The following KCNU1 variants were observed in gnomAD, a reference collection of about 807,000 sequenced individuals.
KCNU1 encodes the protein potassium channel subfamily U member 1.
In KCNU1, 93 loss-of-function variants were observed where a neutral mutation model predicts 126.8. That is an observed-to-expected ratio of 0.73 (90% CI 0.62 to 0.87). The LOEUF (loss-of-function observed/expected upper bound fraction) is 0.87, where lower values mean the gene tolerates loss of function less well. Ranked by LOEUF, KCNU1 falls within the 40% of genes least tolerant of loss-of-function variation. The pLI is 0.00. For missense variants in KCNU1, 1,330 were observed against 1,367.1 expected, an observed-to-expected ratio of 0.97 and a Z score of 0.43; for synonymous variants, 523 against 494.2, an observed-to-expected ratio of 1.06 and a Z score of -0.77.
At chr8:36,818,865 G>A (rs954003496) in intron 10 of KCNU1, among the ~76,000 whole-genome samples, 35 of 152,140 alleles carry the variant, frequency 2.3e-4, no homozygotes, top group African/African-American at 4.6e-4. Context: ...CAAGAATTCC[G>A]TTTAAGTAGC....
intron 23 of KCNU1, among the ~76,000 whole-genome samples, chr8:36,921,801 T>C (rs1297504377): frequency 6.6e-6 from 1 of 151,850 alleles, no homozygotes; most frequent in Non-Finnish European, 1.5e-5. Flanking sequence ...AGTATAGACA[T>C]GCTGATGGAT....
intron 10 of KCNU1, among the ~76,000 whole-genome samples, chr8:36,820,003 T>C (rs547643725): frequency 6.6e-6 from 1 of 152,222 alleles, no homozygotes; most frequent in East Asian, 1.9e-4. Context: ...TGAGTCATCA[T>C]GTAAAAAGCC....
At chr8:36,865,322 A>G (rs749493914) in intron 19 of KCNU1, among the ~76,000 whole-genome samples, 35 of 152,128 alleles carry the variant, frequency 2.3e-4, no homozygotes, top group Non-Finnish European at 3.8e-4. Context: ...TAAGAATAAA[A>G]CTACTATATG....
intron 19 of KCNU1, among the ~76,000 whole-genome samples, chr8:36,901,882 G>C (rs1055027099): frequency 6.6e-6 from 1 of 152,108 alleles, no homozygotes; most frequent in Non-Finnish European, 1.5e-5. Context: ...GCTTTGACAG[G>C]TCTTTTTTGA....
At chr8:36,860,607 A>C (rs1805693924) in intron 18 of KCNU1, among the ~76,000 whole-genome samples, 1 of 152,194 alleles carries the variant, frequency 6.6e-6, no homozygotes, top group Non-Finnish European at 1.5e-5. Context: ...GGAGGGGTGC[A>C]TAAGAATCTT....
chr8:36,797,109 A>G (rs1803128452), intron 2 of KCNU1, among the ~76,000 whole-genome samples: 1 of 152,004 alleles, frequency 6.6e-6, no homozygotes, highest in African/African-American at 2.4e-5. Flanking sequence ...CGGTTCAAAC[A>G]CTCGCGCCTC....
At chr8:36,836,098 G>T (rs901513122) in intron 12 of KCNU1, among the ~76,000 whole-genome samples, 198 bp from the exon 13 acceptor site, 1 of 152,238 alleles carries the variant, frequency 6.6e-6, no homozygotes. Flanking sequence ...AGATTTGGTT[G>T]GCAAAGTCAT....
chr8:36,799,064 A>G (rs943709919), intron 2 of KCNU1, among the ~76,000 whole-genome samples: 1 of 152,194 alleles, frequency 6.6e-6, no homozygotes, highest in Non-Finnish European at 1.5e-5. Flanking sequence ...GGGGTGCAGA[A>G]GCTCACAGTT....
chr8:36,922,444 C>A, intron 23 of KCNU1, 46 bp from the exon 24 acceptor site: 1 of 1,587,740 alleles, frequency 6.3e-7, no homozygotes, highest in South Asian at 1.2e-5. Flanking sequence ...TTCTTATATT[C>A]TTAACCTGAT....
chr8:36,924,880 C>T (rs1808482236), intron 24 of KCNU1, among the ~76,000 whole-genome samples: 1 of 152,178 alleles, frequency 6.6e-6, no homozygotes, highest in Non-Finnish European at 1.5e-5. Context: ...ACACCACTGG[C>T]TCACACAGGC....
At position 36,933,573 on chromosome 8, in the gene KCNU1, A is replaced by G. The variant is rs569730758; in HGVS notation, c.3044+541A>G. Among the ~76,000 whole-genome samples, 9 of 152,254 alleles carry G rather than the reference A, an allele frequency of 5.9e-5. 1 individual carries two copies. The highest frequency in any genetic ancestry group is 2.2e-4 in the African/African-American group (9 of 41,572). On this transcript the variant is annotated intron_variant, in intron 26 of 26. Coordinates refer to ENST00000399881, the MANE Select transcript of KCNU1 (RefSeq NM_001031836.3). ...GAGGGGAAAGGGAAAGAGAGGTTAC[A>G]GTCTAGAGACAACACAATTGTGTAT...
Position 36,793,868 on chromosome 8 carries a change from A to G in KCNU1, c.315+6443A>G, listed in dbSNP as rs1038398905. 5.3e-5 allele frequency among the ~76,000 whole-genome samples: 8 copies of G among 152,122 alleles called. No homozygotes were observed. The South Asian group carries it at 1.5e-3, about 28-fold the overall frequency. ...CAGGAGTTTGAGACAAGCCTGACCA[A>G]CATGGTGAAACCCCGTCTCTACTAA... On this transcript the variant is annotated intron_variant, in intron 2 of 26. Transcript: ENST00000399881.
chr8:36,870,640 G>T (rs1198670441), intron 19 of KCNU1, among the ~76,000 whole-genome samples: 1 of 152,172 alleles, frequency 6.6e-6, no homozygotes, highest in Non-Finnish European at 1.5e-5. Context: ...AAACTGATCA[G>T]ATGAGATTAT....
At chr8:36,917,346 A>G (rs1013185934) in intron 22 of KCNU1, among the ~76,000 whole-genome samples, 1 of 139,904 alleles carries the variant, frequency 7.1e-6, no homozygotes, top group African/African-American at 2.7e-5. Flanking sequence ...CATTTTCCCC[A>G]CCAACTTCTT....
At chr8:36,809,371 C>T (rs565316501) in intron 7 of KCNU1, among the ~76,000 whole-genome samples, 1 of 152,100 alleles carries the variant, frequency 6.6e-6, no homozygotes, top group South Asian at 2.1e-4. Context: ...GAAGAGCAGT[C>T]ATTAGCAAAT....
intron 7 of KCNU1, 114 bp downstream of exon 7, chr8:36,808,907 G>A (rs926787127): frequency 1.4e-6 from 1 of 689,794 alleles, no homozygotes; most frequent in Non-Finnish European, 2.5e-6. Flanking sequence ...CCAGTTGGAG[G>A]TGTGTCTTTC....
chr8:36,863,763 A>G (rs930296760), intron 18 of KCNU1, among the ~76,000 whole-genome samples: 17 of 152,100 alleles, frequency 1.1e-4, no homozygotes, highest in African/African-American at 4.1e-4. Flanking sequence ...AAGTGGCTTC[A>G]TGGTGCTCAT....
At chr8:36,852,035 A>T (rs371951849) in intron 18 of KCNU1, among the ~76,000 whole-genome samples, 1 of 152,014 alleles carries the variant, frequency 6.6e-6, no homozygotes, top group African/African-American at 2.4e-5. Context: ...TCTTTATTTG[A>T]TTGTGGAAGT....
chr8:36,897,031 A>G (rs1320286114), intron 19 of KCNU1, among the ~76,000 whole-genome samples: 1 of 152,022 alleles, frequency 6.6e-6, no homozygotes, highest in Non-Finnish European at 1.5e-5. Context: ...AGTTATAACT[A>G]GTGGTGAACC....
Sources: gnomAD v4.1 joint callset for allele counts (sites outside exome capture counted in the v4.1 genomes callset) on GRCh38, gnomAD v4.1.1 for gene constraint, MANE v1.5 for transcripts, NCBI Gene and HGNC (gene_info 2026-07-23, HGNC 2026-07-21) for gene names.